WNT7A: variants seen among roughly 807,000 people sequenced by gnomAD.
The protein encoded by WNT7A is protein Wnt-7a.
WNT7A carries 16 observed loss-of-function variants against 28.2 expected under a neutral mutation model. The ratio of observed to expected loss-of-function variants is 0.57; its 90% CI spans 0.38 to 0.86. WNT7A has a LOEUF of 0.86. Ranked by LOEUF, WNT7A falls within the 40% of genes least tolerant of loss-of-function variation. The probability of loss-of-function intolerance (pLI) is 0.00; values close to 1 mark genes in which losing one functional copy is unlikely to be tolerated. For synonymous variants in WNT7A, 190 were observed against 195.9 expected, an observed-to-expected ratio of 0.97 and a Z score of 0.25; for missense variants, 411 against 489.7, an observed-to-expected ratio of 0.84 and a Z score of 1.52.
intron 2 of WNT7A, among the ~76,000 whole-genome samples, chr3:13,871,955 T>TCCAGCCACC (rs1222324250): frequency 1.3e-5 from 2 of 152,044 alleles, no homozygotes; most frequent in Non-Finnish European, 2.9e-5. Context: ...CTCACTCTAC[T>TCCAGCCACC]CCAGCCACCC....
At chr3:13,867,597 G>A (rs1228297858) in intron 2 of WNT7A, among the ~76,000 whole-genome samples, 2 of 152,146 alleles carry the variant, frequency 1.3e-5, no homozygotes, top group South Asian at 2.1e-4. Context: ...CTGATCCTCA[G>A]TGAAAAGATA....
intron 2 of WNT7A, among the ~76,000 whole-genome samples, chr3:13,856,103 C>T (rs1422129522): frequency 6.6e-6 from 1 of 152,168 alleles, no homozygotes; most frequent in Non-Finnish European, 1.5e-5. Flanking sequence ...TAGGCCTGTC[C>T]ACCTGCTGGA....
chr3:13,871,737 C>T (rs1221440826), intron 2 of WNT7A, among the ~76,000 whole-genome samples: 1 of 152,152 alleles, frequency 6.6e-6, no homozygotes, highest in South Asian at 2.1e-4. Context: ...CTCGACCAGA[C>T]TCCAGACCCC....
At chr3:13,835,180 C>T (rs1030374025) in intron 3 of WNT7A, among the ~76,000 whole-genome samples, 3 of 152,090 alleles carry the variant, frequency 2.0e-5, no homozygotes, top group Admixed American at 6.6e-5. Flanking sequence ...GGAGGGCCGG[C>T]GGGGTCTTTG....
In WNT7A at chr3:13,879,925, C is replaced by A; in HGVS notation, c.-109G>T. ...CCGGGAGGCGCGAGCCGAGGCGTCC[C>A]CGGGGCCGTCTGTCGGTGCGCCCGT... On this transcript the variant is annotated 5_prime_UTR_variant, in exon 1 of 4. Transcript: ENST00000285018. 1.2e-6 allele frequency: 1 copy of A among 853,086 alleles called. No individual in the cohort carries two copies. Among genetic ancestry groups the A allele is most frequent in the Non-Finnish European group, 1.6e-6 (1 of 625,188 alleles). The allele number at this position is 853,086 out of a possible 1,614,324, so 52.8% of individuals were successfully genotyped here. A position where few individuals can be genotyped will look rare whatever the true frequency, so the allele number is the denominator to read the frequency against.
At chr3:13,854,825 A>T in intron 2 of WNT7A, 22 bp from the exon 3 acceptor site, 1 of 1,610,538 alleles carries the variant, frequency 6.2e-7, no homozygotes, top group Admixed American at 1.7e-5. Context: ...AGAGAAGAGG[A>T]GACAAGTTGG....
intron 3 of WNT7A, among the ~76,000 whole-genome samples, chr3:13,822,568 T>G (rs1336299931): frequency 6.6e-6 from 1 of 151,992 alleles, no homozygotes; most frequent in East Asian, 1.9e-4. Flanking sequence ...AGAAGGGAAA[T>G]GGGGAGTGGT....
chr3:13,865,622 C>T (rs1170219132), intron 2 of WNT7A, among the ~76,000 whole-genome samples: 1 of 152,198 alleles, frequency 6.6e-6, no homozygotes, highest in Non-Finnish European at 1.5e-5. Flanking sequence ...GAAAACGGAG[C>T]ACCTGCTGTG....
At chr3:13,846,934 G>A (rs991131915) in intron 3 of WNT7A, among the ~76,000 whole-genome samples, 1 of 152,144 alleles carries the variant, frequency 6.6e-6, no homozygotes, top group Non-Finnish European at 1.5e-5. Context: ...AGCAAAGTGG[G>A]ATGCCAGGGA....
chr3:13,825,240 T>C (rs1694175072), intron 3 of WNT7A, among the ~76,000 whole-genome samples: 1 of 152,172 alleles, frequency 6.6e-6, no homozygotes, highest in Non-Finnish European at 1.5e-5. Context: ...TATTCTGCCA[T>C]GTCAGGAAAA....
chr3:13,846,517 G>A (rs1196311452), intron 3 of WNT7A, among the ~76,000 whole-genome samples: 1 of 152,174 alleles, frequency 6.6e-6, no homozygotes, highest in Non-Finnish European at 1.5e-5. Flanking sequence ...AACAGGGAAT[G>A]TTGATCTCAT....
chr3:13,878,322 G>A (rs1695143396), intron 1 of WNT7A, among the ~76,000 whole-genome samples: 1 of 152,204 alleles, frequency 6.6e-6, no homozygotes, highest in Non-Finnish European at 1.5e-5. Context: ...CACGCGGCCC[G>A]AGTCAATCGG....
intron 2 of WNT7A, 54 bp from the exon 3 acceptor site, chr3:13,854,857 G>A (rs1030950593): frequency 6.2e-7 from 1 of 1,605,380 alleles, no homozygotes; most frequent in East Asian, 2.2e-5. Context: ...AAGCATCTGA[G>A]AGGAGGCTGG....
chr3:13,825,146 T>C (rs1694174003), intron 3 of WNT7A, among the ~76,000 whole-genome samples: 1 of 152,206 alleles, frequency 6.6e-6, no homozygotes, highest in South Asian at 2.1e-4. Flanking sequence ...AGCAGCTGTC[T>C]CTGGGGAGGA....
chr3:13,823,768 G>A (rs551822565), intron 3 of WNT7A, among the ~76,000 whole-genome samples: 1 of 152,358 alleles, frequency 6.6e-6, no homozygotes, highest in African/African-American at 2.4e-5. Flanking sequence ...TCTGGCCTCA[G>A]TAGGCCCTTC....
chr3:13,818,772 G>A lies in WNT7A; in HGVS notation c.*172C>T. On this transcript the variant is annotated 3_prime_UTR_variant, in exon 4 of 4. Transcript: ENST00000285018. ...ATTGGGTGTGGAACAGAATAGTTGA[G>A]GGCTCTGAGAGATTTTTTTTCCCCC... 1 of 1,009,700 alleles carries A rather than the reference G, an allele frequency of 9.9e-7. No homozygotes were observed. Among genetic ancestry groups the A allele is most frequent in the South Asian group, 1.8e-5 (1 of 55,970 alleles). 62.5% of individuals were successfully genotyped at this position (1,009,700 alleles called of 1,614,324 possible).
chr3:13,868,693 A>AG, intron 2 of WNT7A, among the ~76,000 whole-genome samples: 2 of 21,220 alleles, frequency 9.4e-5, no homozygotes, highest in African/African-American at 5.3e-4. Flanking sequence ...AGAGAGAGAG[A>AG]AAGAAAGAAA....
In WNT7A at chr3:13,816,790, C is replaced by T. The variant is rs1248654164; in HGVS notation, c.*2154G>A. ...TTATCCCTTCATCCATCCATCTACC[C>T]ATCCATCCATTTATCCATTCACCCA... On this transcript the variant is annotated 3_prime_UTR_variant, in exon 4 of 4. Coordinates refer to ENST00000285018, the MANE Select transcript of WNT7A (RefSeq NM_004625.4). The T allele has an allele frequency of 6.6e-6, 1 of 152,212 alleles. No homozygotes were observed. Among genetic ancestry groups the T allele is most frequent in the Non-Finnish European group, 1.5e-5 (1 of 68,028 alleles). The allele number at this position is 152,212 out of a possible 1,614,324, so 9.4% of individuals were successfully genotyped here. A position where few individuals can be genotyped will look rare whatever the true frequency, so the allele number is the denominator to read the frequency against.
At chr3:13,864,664 G>T (rs994728597) in intron 2 of WNT7A, among the ~76,000 whole-genome samples, 1 of 152,342 alleles carries the variant, frequency 6.6e-6, no homozygotes, top group South Asian at 2.1e-4. Context: ...GGATGAGGAC[G>T]TGAATAAATG....
Sources: allele counts gnomAD v4.1 joint callset (sites outside exome capture counted in the v4.1 genomes callset), GRCh38; gene constraint gnomAD v4.1.1; transcripts MANE v1.5; gene names NCBI Gene and HGNC (gene_info 2026-07-23, HGNC 2026-07-21).